The following LIN7A variants were observed in gnomAD, a reference collection of about 807,000 sequenced individuals.
LIN7A encodes the protein lin-7 cell polarity scaffold A.
Under a neutral mutation model 29.8 loss-of-function variants are expected in LIN7A, and 25 were observed. The ratio of observed to expected loss-of-function variants is 0.84; its 90% confidence interval spans 0.61 to 1.17. The LOEUF (loss-of-function observed/expected upper bound fraction) is 1.17, where lower values mean the gene tolerates loss of function less well. LIN7A is among the 50% of genes most tolerant of loss of function. The pLI, the probability that LIN7A is intolerant of heterozygous loss-of-function variation, is 0.00. For missense variants in LIN7A, 239 were observed against 287.0 expected (o/e 0.83, Z 1.21); for synonymous variants, 118 against 107.5 (o/e 1.10, Z -0.60).
intron 2 of LIN7A, among the ~76,000 whole-genome samples, chr12:80,859,433 G>C (rs1252924652): frequency 6.6e-6 from 1 of 152,174 alleles, no homozygotes; most frequent in Non-Finnish European, 1.5e-5. Context: ...CAGGTCTAAA[G>C]CTCAGAGGGA....
intron 4 of LIN7A, among the ~76,000 whole-genome samples, chr12:80,823,380 G>C (rs543742235): frequency 6.6e-6 from 1 of 152,194 alleles, no homozygotes; most frequent in South Asian, 2.1e-4. Flanking sequence ...AAGCTTCCAG[G>C]CACCACTGCA....
intron 4 of LIN7A, among the ~76,000 whole-genome samples, chr12:80,814,196 T>C (rs991343474): frequency 2.0e-5 from 3 of 152,224 alleles, no homozygotes; most frequent in Admixed American, 2.0e-4. Flanking sequence ...TTATGAATTA[T>C]AGTCTACTAC....
intron 2 of LIN7A, among the ~76,000 whole-genome samples, chr12:80,882,867 T>TA (rs1299771664): frequency 6.6e-6 from 1 of 152,102 alleles, no homozygotes; most frequent in Non-Finnish European, 1.5e-5. Flanking sequence ...TATTTTATCT[T>TA]AAAAAAGAGA....
chr12:80,930,512 T>C (rs1565934077), intron 1 of LIN7A, among the ~76,000 whole-genome samples: 1 of 152,234 alleles, frequency 6.6e-6, no homozygotes, highest in Non-Finnish European at 1.5e-5. Context: ...CATGTATTTA[T>C]GGTTAAAAAA....
intron 2 of LIN7A, among the ~76,000 whole-genome samples, chr12:80,880,286 A>G (rs1184776): frequency 0.68 from 103,356 of 152,012 alleles, 39,127 homozygotes; most frequent in Non-Finnish European, 0.87. Context: ...ACATCTACAA[A>G]GAAGTCCATC....
At chr12:80,885,436 A>G (rs1010377035) in intron 2 of LIN7A, among the ~76,000 whole-genome samples, 1 of 152,184 alleles carries the variant, frequency 6.6e-6, no homozygotes, top group African/African-American at 2.4e-5. Flanking sequence ...ATAGAAAAGT[A>G]GTATCATGTG....
At chr12:80,929,902 C>T (rs562499889) in intron 1 of LIN7A, among the ~76,000 whole-genome samples, 1 of 152,156 alleles carries the variant, frequency 6.6e-6, no homozygotes, top group South Asian at 2.1e-4. Context: ...TTCAGCAGTC[C>T]CTCAACTATA....
intron 2 of LIN7A, among the ~76,000 whole-genome samples, chr12:80,862,541 AT>A (rs1255166689): frequency 1.3e-5 from 2 of 152,150 alleles, no homozygotes; most frequent in African/African-American, 4.8e-5. Flanking sequence ...CATATTGTTG[AT>A]TTGCTAACAT....
At chr12:80,805,682 TA>T (rs1302308257) in intron 5 of LIN7A, among the ~76,000 whole-genome samples, 5 of 152,078 alleles carry the variant, frequency 3.3e-5, no homozygotes, top group African/African-American at 1.2e-4. Context: ...TCAAGCTGAA[TA>T]AATATAACAC....
At chr12:80,811,173 A>T (rs1233476185) in intron 5 of LIN7A, among the ~76,000 whole-genome samples, 1 of 152,174 alleles carries the variant, frequency 6.6e-6, no homozygotes, top group South Asian at 2.1e-4. Flanking sequence ...GTATAAAAGC[A>T]TCCTAGAGCC....
At chr12:80,806,244 G>A (rs867169812) in intron 5 of LIN7A, among the ~76,000 whole-genome samples, 1 of 151,880 alleles carries the variant, frequency 6.6e-6, no homozygotes, top group African/African-American at 2.4e-5. Flanking sequence ...AAAAAAAGTG[G>A]GTATAGCACG....
chr12:80,894,331 G>A (rs1875774114), intron 1 of LIN7A, among the ~76,000 whole-genome samples: 1 of 152,096 alleles, frequency 6.6e-6, no homozygotes, highest in African/African-American at 2.4e-5. Flanking sequence ...CACAAGGAAA[G>A]CAAGAAGGAT....
chr12:80,900,225 T>C (rs932080708), intron 1 of LIN7A, among the ~76,000 whole-genome samples: 4 of 152,194 alleles, frequency 2.6e-5, no homozygotes, highest in Admixed American at 2.6e-4. Flanking sequence ...CCTGAATTTG[T>C]TGATCTTTTG....
In LIN7A at chr12:80,798,162, C is replaced by G. The variant is rs574859044; in HGVS notation, c.*1-436G>C. Reference sequence around the variant, plus strand: ...ACCAATATTCCTTCTCTGACGTGGACATTAAATCTGTCTCTCTTCATAAGG... The same window carrying G: ...ACCAATATTCCTTCTCTGACGTGGAGATTAAATCTGTCTCTCTTCATAAGG... On this transcript the variant is annotated intron_variant, in intron 5 of 5. Transcript: ENST00000552864. Among the ~76,000 whole-genome samples, 3 of 152,254 alleles carry G rather than the reference C, an allele frequency of 2.0e-5. No homozygotes were observed. In the East Asian group the frequency reaches 5.8e-4, roughly 29 times the overall value.
chr12:80,901,528 A>G (rs531243088), intron 1 of LIN7A, among the ~76,000 whole-genome samples: 205 of 93,074 alleles, frequency 2.2e-3, no homozygotes, highest in African/African-American at 4.8e-3. Context: ...TGCGCATTGT[A>G]AAAATTGAGA....
intron 2 of LIN7A, among the ~76,000 whole-genome samples, chr12:80,864,446 T>G (rs1874038186): frequency 6.6e-6 from 1 of 152,228 alleles, no homozygotes; most frequent in Admixed American, 6.5e-5. Flanking sequence ...TTTTTTGTTT[T>G]GAAAAATGAT....
intron 2 of LIN7A, among the ~76,000 whole-genome samples, chr12:80,854,486 C>CAA (rs34687099): frequency 4.6e-5 from 5 of 108,962 alleles, no homozygotes; most frequent in Admixed American, 1.0e-4. Flanking sequence ...GTTGCTAAGC[C>CAA]AAAAAAAAAA....
chr12:80,803,050 G>A (rs567116045), intron 5 of LIN7A, among the ~76,000 whole-genome samples: 8 of 152,288 alleles, frequency 5.3e-5, no homozygotes, highest in African/African-American at 1.9e-4. Flanking sequence ...TTTATCAGAT[G>A]TATGGTTTGC....
At chr12:80,874,860 TGTA>T in intron 2 of LIN7A, among the ~76,000 whole-genome samples, 1 of 152,044 alleles carries the variant, frequency 6.6e-6, no homozygotes, top group African/African-American at 2.4e-5. Context: ...GGCGGGCGCC[TGTA>T]GTCCCAGAGG....
Sources: gnomAD v4.1 joint callset for allele counts (sites outside exome capture counted in the v4.1 genomes callset) on GRCh38, gnomAD v4.1.1 for gene constraint, MANE v1.5 for transcripts, NCBI Gene and HGNC (gene_info 2026-07-23, HGNC 2026-07-21) for gene names.